STPG2: variants seen among roughly 807,000 people sequenced by gnomAD.
The protein encoded by STPG2 is sperm-tail PG-rich repeat-containing protein 2.
A neutral mutation model predicts 54.2 loss-of-function variants in STPG2; 56 were observed. That is an observed-to-expected ratio of 1.03 (90% CI 0.83 to 1.29). STPG2 has a LOEUF of 1.29. STPG2 is among the 50% of genes most tolerant of loss of function. The probability of loss-of-function intolerance (pLI) is 0.00; values close to 1 mark genes in which losing one functional copy is unlikely to be tolerated. For missense variants in STPG2, 596 were observed against 544.9 expected, an observed-to-expected ratio of 1.09 and a Z score of -0.93; for synonymous variants, 200 against 181.8, an observed-to-expected ratio of 1.10 and a Z score of -0.81.
intron 5 of STPG2, chr4:98,048,631 C>A: frequency 6.2e-6 from 1 of 161,396 alleles, no homozygotes; most frequent in East Asian, 1.5e-4. Context: ...GGCATGCAGC[C>A]CCACTTTGCC....
At chr4:97,915,701 C>T (rs1376482064) in intron 8 of STPG2, among the ~76,000 whole-genome samples, 3 of 152,040 alleles carry the variant, frequency 2.0e-5, no homozygotes, top group African/African-American at 7.2e-5. Flanking sequence ...AAGTTCAGTA[C>T]ATACTTAGGG....
At chr4:98,005,822 G>A (rs1435415002) in intron 5 of STPG2, among the ~76,000 whole-genome samples, 12 of 152,166 alleles carry the variant, frequency 7.9e-5, no homozygotes, top group Admixed American at 7.9e-4. Context: ...ATGTTAGCCT[G>A]TAATATTCTT....
chr4:97,547,501 C>T (rs945111094), intron 4 of STPG2, among the ~76,000 whole-genome samples: 8 of 152,144 alleles, frequency 5.3e-5, no homozygotes, highest in South Asian at 2.1e-4. Context: ...TGAGCCACCG[C>T]GCCCGGCCTT....
chr4:97,969,043 A>G (rs1003867342), intron 7 of STPG2, among the ~76,000 whole-genome samples: 2 of 152,194 alleles, frequency 1.3e-5, no homozygotes, highest in African/African-American at 4.8e-5. Flanking sequence ...GCCTGTTCAT[A>G]TGGATAAGAT....
At chr4:97,968,155 C>A (rs1214929356) in intron 7 of STPG2, among the ~76,000 whole-genome samples, 1 of 152,026 alleles carries the variant, frequency 6.6e-6, no homozygotes, top group Non-Finnish European at 1.5e-5. Context: ...CAAATAGATG[C>A]AATAAAAAAT....
At chr4:97,640,956 A>T (rs1377706980) in intron 10 of STPG2, among the ~76,000 whole-genome samples, 1 of 151,676 alleles carries the variant, frequency 6.6e-6, no homozygotes, top group African/African-American at 2.4e-5. Flanking sequence ...ATTATGAGGA[A>T]CAAAAGAATA....
chr4:98,053,311 A>G (rs1737382120), intron 5 of STPG2, among the ~76,000 whole-genome samples: 1 of 152,186 alleles, frequency 6.6e-6, no homozygotes, highest in Non-Finnish European at 1.5e-5. Context: ...AACTTAATGT[A>G]AACATGCAAC....
chr4:97,911,803 T>C (rs911134348), intron 8 of STPG2, among the ~76,000 whole-genome samples: 1 of 151,960 alleles, frequency 6.6e-6, no homozygotes, highest in Non-Finnish European at 1.5e-5. Flanking sequence ...GGAGAAGGGT[T>C]CTCCAGCACA....
intron 5 of STPG2, among the ~76,000 whole-genome samples, chr4:98,022,159 T>C (rs1273718147): frequency 2.0e-5 from 3 of 152,184 alleles, no homozygotes; most frequent in East Asian, 1.9e-4. Context: ...CTGGTACTGG[T>C]TGTTCCTTTC....
chr4:97,831,081 C>A (rs978198658), intron 9 of STPG2, among the ~76,000 whole-genome samples: 1 of 152,150 alleles, frequency 6.6e-6, no homozygotes, highest in Non-Finnish European at 1.5e-5. Context: ...TTCTTCTCAG[C>A]ACCTCATCTG....
At chr4:97,788,695 GTGTACAAGGGTTCCCTTTTCT>G (rs1726898573) in intron 9 of STPG2, among the ~76,000 whole-genome samples, 1 of 152,064 alleles carries the variant, frequency 6.6e-6, no homozygotes, top group South Asian at 2.1e-4. Context: ...CCCACCAACA[GTGTACAAGGGTTCCCTTTTCT>G]CTATATCCTT....
chr4:97,786,158 C>T (rs1229973664), intron 9 of STPG2, among the ~76,000 whole-genome samples: 1 of 151,168 alleles, frequency 6.6e-6, no homozygotes, highest in East Asian at 1.9e-4. Context: ...ACTTTCTAGC[C>T]AATCACCCTT....
At chr4:97,833,567 G>A (rs1413224099) in intron 9 of STPG2, among the ~76,000 whole-genome samples, 1 of 152,024 alleles carries the variant, frequency 6.6e-6, no homozygotes, top group Non-Finnish European at 1.5e-5. Flanking sequence ...GAGTGAACAG[G>A]CAAACTACAG....
At chr4:97,886,265 C>T (rs998466259) in intron 8 of STPG2, among the ~76,000 whole-genome samples, 3 of 152,036 alleles carry the variant, frequency 2.0e-5, no homozygotes, top group Non-Finnish European at 4.4e-5. Flanking sequence ...GCAAAAAAGA[C>T]TAAATCAATT....
At chr4:97,648,301 C>A (rs1237442633) in intron 10 of STPG2, among the ~76,000 whole-genome samples, 1 of 152,150 alleles carries the variant, frequency 6.6e-6, no homozygotes, top group Admixed American at 6.5e-5. Context: ...GGCTAGTAAT[C>A]TGCTGCAATA....
chr4:97,681,209 C>A (rs1292464873), intron 10 of STPG2, among the ~76,000 whole-genome samples: 1 of 151,588 alleles, frequency 6.6e-6, no homozygotes, highest in African/African-American at 2.4e-5. Context: ...AATAATTATT[C>A]TTAAATATAA....
At chr4:97,858,588 C>A (rs1198780815) in intron 8 of STPG2, among the ~76,000 whole-genome samples, 2 of 152,114 alleles carry the variant, frequency 1.3e-5, no homozygotes, top group Non-Finnish European at 2.9e-5. Flanking sequence ...GAGTCCATTA[C>A]ATGATTCTTA....
intron 8 of STPG2, among the ~76,000 whole-genome samples, chr4:97,890,907 AAAC>A (rs1020146750): frequency 2.6e-5 from 4 of 152,016 alleles, no homozygotes; most frequent in African/African-American, 9.6e-5. Flanking sequence ...TAATATATAA[AAAC>A]AAAATAATCA....
chr4:97,681,899 T>C (rs774490570), intron 10 of STPG2, among the ~76,000 whole-genome samples: 1 of 151,804 alleles, frequency 6.6e-6, no homozygotes, highest in Non-Finnish European at 1.5e-5. Context: ...GCGGTGTTAG[T>C]TCTGCTGATA....
Sources: gnomAD v4.1 joint callset for allele counts (sites outside exome capture counted in the v4.1 genomes callset) on GRCh38, gnomAD v4.1.1 for gene constraint, MANE v1.5 for transcripts, NCBI Gene and HGNC (gene_info 2026-07-23, HGNC 2026-07-21) for gene names.